The following ITGA1 variants were observed in gnomAD, a reference collection of about 807,000 sequenced individuals.
ITGA1 encodes integrin subunit alpha 1, also known as integrin alpha-1.
ITGA1 carries 85 observed loss-of-function variants against 145.9 expected under a neutral mutation model. The observed-to-expected ratio is 0.58, with a 90% CI of 0.49 to 0.70. The LOEUF is 0.70. Among genes scored for constraint, ITGA1 ranks in the 30% least tolerant of loss-of-function variants. The pLI is 0.00. For synonymous variants in ITGA1, 520 were observed against 495.3 expected (o/e 1.05, Z -0.66); for missense variants, 1,351 against 1,418.7 (o/e 0.95, Z 0.77).
intron 6 of ITGA1, among the ~76,000 whole-genome samples, chr5:52,866,764 G>C (rs1393531695): frequency 1.3e-5 from 2 of 152,078 alleles, no homozygotes; most frequent in Non-Finnish European, 1.5e-5. Flanking sequence ...TAGATACTGA[G>C]TTTAATTTAA....
intron 22 of ITGA1, chr5:52,933,112 A>T (rs1750916027): frequency 6.6e-6 from 1 of 152,120 alleles, no homozygotes; most frequent in Non-Finnish European, 1.5e-5. Flanking sequence ...CATTGTCTCA[A>T]ACATTTATCT....
At chr5:52,910,916 CTA>C (rs1166089771) in intron 14 of ITGA1, among the ~76,000 whole-genome samples, 1 of 135,192 alleles carries the variant, frequency 7.4e-6, no homozygotes, top group Non-Finnish European at 1.5e-5. Context: ...GGTATGTATA[CTA>C]TATATAGTAT....
intron 1 of ITGA1, among the ~76,000 whole-genome samples, chr5:52,809,313 T>C (rs1169508679): frequency 6.6e-6 from 1 of 152,028 alleles, no homozygotes; most frequent in Non-Finnish European, 1.5e-5. Context: ...AAAGCAGTAG[T>C]AATAGCAGTG....
chr5:52,791,630 GT>G (rs1748243461), intron 1 of ITGA1, among the ~76,000 whole-genome samples: 1 of 152,282 alleles, frequency 6.6e-6, no homozygotes, highest in South Asian at 2.1e-4. Context: ...AATGTATTAT[GT>G]GCAAGGCACT....
intron 6 of ITGA1, among the ~76,000 whole-genome samples, chr5:52,867,606 T>TC (rs1160396496): frequency 1.3e-5 from 2 of 151,970 alleles, no homozygotes; most frequent in Non-Finnish European, 2.9e-5. Context: ...CCTCCTTTTT[T>TC]CCCTTCTGAG....
rs1325960611 is a variant in ITGA1 at position 52,957,415 on chromosome 5, A to G, written c.*4964A>G. 6.6e-6 allele frequency: 1 copy of G among 152,182 alleles called. No individual in the cohort carries two copies. The highest frequency in any genetic ancestry group is 1.5e-5 in the Non-Finnish European group (1 of 68,038). 9.4% of individuals were successfully genotyped at this position (152,182 alleles called of 1,614,324 possible). A position where few individuals can be genotyped will look rare whatever the true frequency, so the allele number is the denominator to read the frequency against. ...TATGTAAGGGTGACTCATCACTCCT[A>G]ACTTTGGACTCCTTGCTTTGAGATC... On this transcript the variant is annotated 3_prime_UTR_variant, in exon 29 of 29. Coordinates refer to ENST00000282588, the MANE Select transcript of ITGA1 (RefSeq NM_181501.2).
chr5:52,950,350 G>A (rs992489964), intron 28 of ITGA1, among the ~76,000 whole-genome samples: 3 of 152,100 alleles, frequency 2.0e-5, no homozygotes, highest in South Asian at 4.1e-4. Flanking sequence ...GGGTGTGGAT[G>A]GGGACTGGTG....
In ITGA1 at chr5:52,927,628, T is replaced by C; in HGVS notation, c.2658T>C (p.Cys886=). The part of the protein sequence containing the change: ...DSCESNHNIT[C]KVGYPFLRRG... ...GTGAATCTAATCATAATATCACATG[T>C]AAAGTTGGATATCCCTTCCTGAGAA... The change falls in exon 20 of 29, where the codon TGT becomes TGC. Residue 886 remains cysteine (C), a synonymous_variant. Transcript: ENST00000282588. The C allele has an allele frequency of 1.2e-6, 2 of 1,611,478 alleles. No homozygotes were observed. Among genetic ancestry groups the C allele is most frequent in the Non-Finnish European group, 1.7e-6 (2 of 1,178,004 alleles).
At chr5:52,800,025 C>G (rs917300816) in intron 1 of ITGA1, 3 of 284,790 alleles carry the variant, frequency 1.1e-5, no homozygotes, top group Admixed American at 5.0e-5. Context: ...GCGCGAACTG[C>G]GGCCCCGCCT....
intron 1 of ITGA1, among the ~76,000 whole-genome samples, chr5:52,798,595 TAC>T (rs1748391668): frequency 6.6e-6 from 1 of 152,100 alleles, no homozygotes; most frequent in Non-Finnish European, 1.5e-5. Context: ...TACTGAGAAA[TAC>T]AGTTTTCATG....
chr5:52,920,617 A>G (rs1048848063), intron 17 of ITGA1, 149 bp downstream of exon 17: 1 of 661,534 alleles, frequency 1.5e-6, no homozygotes, highest in African/African-American at 1.9e-5. Flanking sequence ...TTTTTATCAT[A>G]AAATCGCAGG....
chr5:52,895,609 A>G lies in ITGA1; in HGVS notation c.1090+1769A>G, dbSNP rs949587646. ...CTCCTTTTAAGTAAGCAAGTAACCT[A>G]AAACTGGCAAAAATGAAGCCCACTT... On this transcript the variant is annotated intron_variant, in intron 9 of 28. Coordinates refer to ENST00000282588, the MANE Select transcript of ITGA1 (RefSeq NM_181501.2). Among the ~76,000 whole-genome samples the G allele has an allele frequency of 2.0e-5, 3 of 152,182 alleles. No homozygotes were observed. The East Asian group carries it at 5.8e-4, about 29-fold the overall frequency.
chr5:52,809,637 T>G (rs2111682373), intron 1 of ITGA1, among the ~76,000 whole-genome samples: 1 of 151,878 alleles, frequency 6.6e-6, no homozygotes, highest in Admixed American at 6.6e-5. Context: ...CCCCAGTAGC[T>G]GGGGATTACA....
At chr5:52,882,390 C>T (rs1035166691) in intron 7 of ITGA1, among the ~76,000 whole-genome samples, 3 of 151,794 alleles carry the variant, frequency 2.0e-5, no homozygotes, top group African/African-American at 7.3e-5. Flanking sequence ...ATAGGTCTAC[C>T]TCTACTCAAT....
chr5:52,859,300 C>A (rs1016070649), intron 2 of ITGA1, among the ~76,000 whole-genome samples: 1 of 152,054 alleles, frequency 6.6e-6, no homozygotes, highest in Non-Finnish European at 1.5e-5. Flanking sequence ...TTTTTATTTA[C>A]CATATTTCTT....
At chr5:52,909,338 G>T (rs1000691148) in intron 13 of ITGA1, among the ~76,000 whole-genome samples, 7 of 151,942 alleles carry the variant, frequency 4.6e-5, no homozygotes, top group African/African-American at 1.5e-4. Flanking sequence ...GCTTATTTAG[G>T]CTGGGAGGCT....
At chr5:52,923,634 A>G (rs377742255) in intron 18 of ITGA1, among the ~76,000 whole-genome samples, 1 of 152,218 alleles carries the variant, frequency 6.6e-6, no homozygotes, top group Admixed American at 6.5e-5. Context: ...TTAAAAAAGA[A>G]TTAGGCTCTT....
At chr5:52,812,946 C>T (rs1445119822) in intron 1 of ITGA1, among the ~76,000 whole-genome samples, 2 of 151,980 alleles carry the variant, frequency 1.3e-5, no homozygotes, top group South Asian at 2.1e-4. Flanking sequence ...CAAACCAGAA[C>T]AAGTGGACCC....
chr5:52,850,775 C>T (rs1342489147), intron 2 of ITGA1, among the ~76,000 whole-genome samples: 1 of 152,134 alleles, frequency 6.6e-6, no homozygotes, highest in Non-Finnish European at 1.5e-5. Flanking sequence ...ATGCTACATG[C>T]TAAATTTTTA....
Sources: gnomAD v4.1 joint callset for allele counts (sites outside exome capture counted in the v4.1 genomes callset) on GRCh38, gnomAD v4.1.1 for gene constraint, MANE v1.5 for transcripts, NCBI Gene and HGNC (gene_info 2026-07-23, HGNC 2026-07-21) for gene names.